TSPAN5: variants seen among roughly 807,000 people sequenced by gnomAD.
TSPAN5 encodes tetraspanin 5.
TSPAN5 carries 10 observed loss-of-function variants against 37.1 expected under a neutral mutation model. The ratio of observed to expected loss-of-function variants is 0.27; its 90% CI spans 0.17 to 0.46. TSPAN5 has a LOEUF of 0.46. TSPAN5 is among the 20% of genes least tolerant of loss of function. TSPAN5 has a pLI of 1.00. For missense variants in TSPAN5, 195 were observed against 326.6 expected (o/e 0.60, Z 3.11); for synonymous variants, 110 against 118.9 (o/e 0.93, Z 0.48).
At chr4:98,521,421 C>T (rs970821899) in intron 1 of TSPAN5, among the ~76,000 whole-genome samples, 7 of 152,150 alleles carry the variant, frequency 4.6e-5, no homozygotes, top group African/African-American at 1.7e-4. Flanking sequence ...ATCACCTGGC[C>T]CTCTCTGCAC....
intron 1 of TSPAN5, among the ~76,000 whole-genome samples, chr4:98,533,772 G>A (rs1194733743): frequency 6.1e-5 from 9 of 148,044 alleles, no homozygotes; most frequent in Non-Finnish European, 1.3e-4. Context: ...GGATGGTCTC[G>A]ATCGCCTGAC....
intron 1 of TSPAN5, among the ~76,000 whole-genome samples, chr4:98,535,121 T>C (rs1382373557): frequency 6.6e-6 from 1 of 152,236 alleles, no homozygotes; most frequent in Non-Finnish European, 1.5e-5. Flanking sequence ...AGTTTCTTTA[T>C]AACATCAATG....
At chr4:98,543,893 T>C (rs1578980859) in intron 1 of TSPAN5, among the ~76,000 whole-genome samples, 1 of 151,982 alleles carries the variant, frequency 6.6e-6, no homozygotes, top group East Asian at 1.9e-4. Flanking sequence ...TTAAAAAATG[T>C]CAGCTAGGTG....
intron 1 of TSPAN5, among the ~76,000 whole-genome samples, chr4:98,617,223 C>A (rs539372831): frequency 6.6e-6 from 1 of 152,088 alleles, no homozygotes; most frequent in East Asian, 1.9e-4. Flanking sequence ...TACATGTATA[C>A]CTAAAAATTA....
chr4:98,478,105 CATG>C (rs1472118986), intron 5 of TSPAN5, among the ~76,000 whole-genome samples: 1 of 152,140 alleles, frequency 6.6e-6, no homozygotes, highest in Non-Finnish European at 1.5e-5. Context: ...TGACTATAGT[CATG>C]ATGACATTCA....
At chr4:98,474,454 C>G (rs1752651694) in intron 7 of TSPAN5, among the ~76,000 whole-genome samples, 2 of 151,820 alleles carry the variant, frequency 1.3e-5, no homozygotes, top group South Asian at 4.2e-4. Context: ...CTCAAGTGAT[C>G]CTCCCTCCTC....
chr4:98,636,151 T>C (rs1302030817), intron 1 of TSPAN5, among the ~76,000 whole-genome samples: 2 of 152,306 alleles, frequency 1.3e-5, no homozygotes, highest in East Asian at 3.9e-4. Flanking sequence ...AGCGCAAAGC[T>C]ACAGAGTCAA....
chr4:98,527,183 G>A (rs1268599528), intron 1 of TSPAN5, among the ~76,000 whole-genome samples: 1 of 152,278 alleles, frequency 6.6e-6, no homozygotes, highest in East Asian at 1.9e-4. Context: ...TATATAACCA[G>A]CCCATAAAAT....
intron 1 of TSPAN5, among the ~76,000 whole-genome samples, chr4:98,576,188 A>T (rs894916300): frequency 8.5e-5 from 13 of 152,064 alleles, no homozygotes; most frequent in Non-Finnish European, 1.9e-4. Flanking sequence ...AAAAAAATCA[A>T]ACAGTATTAA....
At chr4:98,616,819 C>G (rs1303520285) in intron 1 of TSPAN5, among the ~76,000 whole-genome samples, 1 of 151,844 alleles carries the variant, frequency 6.6e-6, no homozygotes, top group African/African-American at 2.4e-5. Flanking sequence ...TAACGATACA[C>G]TCCAATTTCC....
chr4:98,520,744 T>C (rs1258803019), intron 1 of TSPAN5, among the ~76,000 whole-genome samples: 1 of 152,152 alleles, frequency 6.6e-6, no homozygotes, highest in African/African-American at 2.4e-5. Flanking sequence ...CAGGATAAAT[T>C]AAAATACCAC....
intron 1 of TSPAN5, among the ~76,000 whole-genome samples, chr4:98,615,365 A>G (rs1233082140): frequency 1.3e-5 from 2 of 152,164 alleles, no homozygotes; most frequent in African/African-American, 4.8e-5. Context: ...TCCCACCTTT[A>G]AGGTTGTCAT....
At chr4:98,480,276 T>C (rs1344798338) in intron 4 of TSPAN5, among the ~76,000 whole-genome samples, 2 of 152,230 alleles carry the variant, frequency 1.3e-5, no homozygotes, top group Non-Finnish European at 2.9e-5. Context: ...AATGGATATA[T>C]AGTTGATATA....
intron 1 of TSPAN5, among the ~76,000 whole-genome samples, chr4:98,634,562 G>T (rs1474182309): frequency 6.6e-6 from 1 of 152,160 alleles, no homozygotes; most frequent in African/African-American, 2.4e-5. Context: ...AACACTTGCT[G>T]TAAGTCCACA....
At chr4:98,477,143 G>A (rs116060582) in intron 5 of TSPAN5, among the ~76,000 whole-genome samples, 1 of 152,366 alleles carries the variant, frequency 6.6e-6, no homozygotes, top group East Asian at 1.9e-4. Flanking sequence ...ATTCTCCCAA[G>A]GGAGTGTTAA....
At chr4:98,490,339 A>G (rs1315651200) in intron 2 of TSPAN5, among the ~76,000 whole-genome samples, 1 of 152,182 alleles carries the variant, frequency 6.6e-6, no homozygotes, top group South Asian at 2.1e-4. Flanking sequence ...CTGTCAGGAG[A>G]TTCCTAGATC....
At chr4:98,525,294 C>T (rs758833152) in intron 1 of TSPAN5, among the ~76,000 whole-genome samples, 1 of 152,180 alleles carries the variant, frequency 6.6e-6, no homozygotes, top group Non-Finnish European at 1.5e-5. Flanking sequence ...GATGAGAGGC[C>T]GGGGCCATTG....
At chr4:98,543,108 A>G (rs1039854330) in intron 1 of TSPAN5, among the ~76,000 whole-genome samples, 10 of 152,210 alleles carry the variant, frequency 6.6e-5, no homozygotes, top group Non-Finnish European at 1.5e-4. Context: ...TAGACAATAT[A>G]CTACTTCAAA....
At chr4:98,526,909 G>A (rs1166696191) in intron 1 of TSPAN5, among the ~76,000 whole-genome samples, 1 of 152,188 alleles carries the variant, frequency 6.6e-6, no homozygotes, top group Non-Finnish European at 1.5e-5. Flanking sequence ...TGTATTGGTT[G>A]TTCTGCTTCA....
Sources: allele counts gnomAD v4.1 joint callset (sites outside exome capture counted in the v4.1 genomes callset), GRCh38; gene constraint gnomAD v4.1.1; transcripts MANE v1.5; gene names NCBI Gene and HGNC (gene_info 2026-07-23, HGNC 2026-07-21).